The following AATF variants were observed in gnomAD, a reference collection of about 807,000 sequenced individuals.
AATF encodes apoptosis antagonizing transcription factor.
In AATF, 48 loss-of-function variants were observed where a neutral mutation model predicts 63.7. The ratio of observed to expected loss-of-function variants is 0.75; its 90% confidence interval spans 0.60 to 0.96. AATF has a LOEUF of 0.96. Among genes scored for constraint, AATF ranks in the 40% least tolerant of loss-of-function variants. The pLI is 0.00. For synonymous variants in AATF, 258 were observed against 247.7 expected, an observed-to-expected ratio of 1.04 and a Z score of -0.39; for missense variants, 639 against 685.7, an observed-to-expected ratio of 0.93 and a Z score of 0.76.
At position 36,989,228 on chromosome 17, in the gene AATF, C is replaced by CT. The variant is rs2071193945; in HGVS notation, c.1150-18dup. Reference sequence around the variant, plus strand: ...CACTGATTTTCTGCATTATCTGACACTGCTTAATGTTGTTGCAGGGTTTTG... The same window carrying CT: ...CACTGATTTTCTGCATTATCTGACACTTGCTTAATGTTGTTGCAGGGTTTTG... On this transcript the variant is annotated intron_variant, in intron 6 of 11. Coordinates refer to ENST00000619387, the MANE Select transcript of AATF (RefSeq NM_012138.4). The CT allele has an allele frequency of 3.1e-6, 5 of 1,599,266 alleles. No homozygotes were observed. Among genetic ancestry groups the CT allele is most frequent in the African/African-American group, 1.3e-5 (1 of 74,538 alleles).
chr17:37,038,786 C>G (rs2071613054), intron 11 of AATF, among the ~76,000 whole-genome samples: 1 of 152,128 alleles, frequency 6.6e-6, no homozygotes, highest in Admixed American at 6.5e-5. Context: ...TTTTATAAAG[C>G]TGCTGGCATT....
At chr17:37,035,225 T>C (rs2071582063) in intron 11 of AATF, among the ~76,000 whole-genome samples, 2 of 152,044 alleles carry the variant, frequency 1.3e-5, no homozygotes, top group South Asian at 2.1e-4. Flanking sequence ...TTTCTTTTTA[T>C]TATTTTTTTT....
intron 4 of AATF, among the ~76,000 whole-genome samples, chr17:36,969,092 A>G (rs1417367318): frequency 6.6e-6 from 1 of 152,136 alleles, no homozygotes. Flanking sequence ...AGTGTATCAT[A>G]CCAAAAAGTT....
rs373312940 is a variant in AATF at position 36,989,200 on chromosome 17, C to T, written c.1150-47C>T. On this transcript the variant is annotated intron_variant, in intron 6 of 11. Transcript: ENST00000619387. Reference sequence around the variant, plus strand: ...TAGAGAAACCAATGTAGCTTGCCTTCAGCACTGATTTTCTGCATTATCTGA... The same window carrying T: ...TAGAGAAACCAATGTAGCTTGCCTTTAGCACTGATTTTCTGCATTATCTGA... The T allele has an allele frequency of 3.2e-5, 50 of 1,567,766 alleles. No individual in the cohort carries two copies. The African/African-American group carries it at 5.8e-4, about 18-fold the overall frequency.
In AATF at chr17:36,953,147, A is replaced by T; in HGVS notation, c.545A>T (p.Glu182Val). ...EEEDEESGME[E>V]GDDAEDSQGE... ...GAAGACGAAGAGAGTGGCATGGAAG[A>T]AGGGGATGACGCGGAAGACTCCCAA... Residue 182 changes from glutamate to valine, a missense_variant, in exon 3 of 12, where the codon GAA becomes GTA. Transcript: ENST00000619387. 1 of 1,614,148 alleles carries T rather than the reference A, an allele frequency of 6.2e-7. No homozygotes were observed. Among genetic ancestry groups the T allele is most frequent in the South Asian group, 1.1e-5 (1 of 91,078 alleles).
At chr17:37,004,298 T>C (rs1462132474) in intron 8 of AATF, among the ~76,000 whole-genome samples, 1 of 151,980 alleles carries the variant, frequency 6.6e-6, no homozygotes, top group Non-Finnish European at 1.5e-5. Flanking sequence ...ACCATTGCAC[T>C]CCAGCCTAGG....
At chr17:36,961,364 T>G (rs544873073) in intron 4 of AATF, among the ~76,000 whole-genome samples, 1 of 152,360 alleles carries the variant, frequency 6.6e-6, no homozygotes, top group East Asian at 1.9e-4. Flanking sequence ...AATTTAAAAT[T>G]TTTTAATAAC....
intron 9 of AATF, among the ~76,000 whole-genome samples, chr17:37,020,531 A>G (rs1174675322): frequency 6.6e-6 from 1 of 152,224 alleles, no homozygotes; most frequent in African/African-American, 2.4e-5. Flanking sequence ...CCAAAGGGAA[A>G]GTTAGATTTT....
At chr17:36,995,736 T>G (rs1005345895) in intron 8 of AATF, among the ~76,000 whole-genome samples, 3 of 151,754 alleles carry the variant, frequency 2.0e-5, no homozygotes, top group Non-Finnish European at 4.4e-5. Flanking sequence ...CCCAGCTAAT[T>G]TTCATATTTT....
chr17:36,972,876 T>A (rs995152567), intron 4 of AATF, among the ~76,000 whole-genome samples: 1 of 152,190 alleles, frequency 6.6e-6, no homozygotes. Context: ...TTTCTGTCTC[T>A]TGGAAGACTC....
chr17:36,951,728 G>A (rs558204590), intron 2 of AATF, among the ~76,000 whole-genome samples: 151 of 152,216 alleles, frequency 9.9e-4, no homozygotes, highest in African/African-American at 3.1e-3. Context: ...GAGAAATGGC[G>A]TACATTCAAA....
chr17:37,005,160 C>T (rs1333779488), intron 8 of AATF, among the ~76,000 whole-genome samples: 1 of 152,178 alleles, frequency 6.6e-6, no homozygotes, highest in African/African-American at 2.4e-5. Flanking sequence ...ACTCCGCTGA[C>T]ACATTTATGA....
At chr17:36,968,645 A>G (rs995270262) in intron 4 of AATF, among the ~76,000 whole-genome samples, 2 of 149,962 alleles carry the variant, frequency 1.3e-5, no homozygotes, top group African/African-American at 4.9e-5. Flanking sequence ...TTTTCAAGAG[A>G]AGGTCCCACT....
At chr17:37,032,499 G>A (rs2071559239) in intron 11 of AATF, among the ~76,000 whole-genome samples, 1 of 152,176 alleles carries the variant, frequency 6.6e-6, no homozygotes, top group African/African-American at 2.4e-5. Flanking sequence ...AGTCTTTCTT[G>A]AAGGAGCCCT....
chr17:36,987,125 C>T (rs1216482277), intron 5 of AATF, among the ~76,000 whole-genome samples: 1 of 151,142 alleles, frequency 6.6e-6, no homozygotes, highest in Non-Finnish European at 1.5e-5. Context: ...ATAGCTGGGA[C>T]TGCAGGCACT....
chr17:36,991,878 C>T (rs1415197814), intron 8 of AATF, among the ~76,000 whole-genome samples: 1 of 152,206 alleles, frequency 6.6e-6, no homozygotes. Flanking sequence ...AGCCACTGCA[C>T]CCGGCCAGAC....
At position 37,056,822 on chromosome 17, in the gene AATF, C is replaced by A; in HGVS notation, c.*158C>A. ...CCTAATACACGCAAGGGCGCTGTCC[C>A]GCCCAACCCCGCCTTTAAACGCCAC... On this transcript the variant is annotated 3_prime_UTR_variant, in exon 12 of 12. Transcript: ENST00000619387. 1.5e-6 allele frequency: 1 copy of A among 675,554 alleles called. No individual in the cohort carries two copies. The allele number at this position is 675,554 out of a possible 1,614,324, so 41.8% of individuals were successfully genotyped here.
In AATF at chr17:36,988,486, A is replaced by C. The variant is rs2071186182; in HGVS notation, c.948-33A>C. 1.9e-6 allele frequency: 3 copies of C among 1,603,160 alleles called. No individual in the cohort carries two copies. The South Asian group carries it at 3.3e-5, about 18-fold the overall frequency. ...TTTAAAATCTAAGTAATGTTTGTTT[A>C]CACTGGACATAATATTCTTACTGCT... On this transcript the variant is annotated intron_variant, in intron 5 of 11. Coordinates refer to ENST00000619387, the MANE Select transcript of AATF (RefSeq NM_012138.4).
At chr17:36,976,140 G>T (rs1047679065) in intron 4 of AATF, among the ~76,000 whole-genome samples, 1 of 152,026 alleles carries the variant, frequency 6.6e-6, no homozygotes, top group African/African-American at 2.4e-5. Context: ...GGGAAGTTTT[G>T]TCATTTTTTT....
Sources: allele counts gnomAD v4.1 joint callset (sites outside exome capture counted in the v4.1 genomes callset), GRCh38; gene constraint gnomAD v4.1.1; transcripts MANE v1.5; gene names NCBI Gene and HGNC (gene_info 2026-07-23, HGNC 2026-07-21).